The following GPC6 variants were observed in gnomAD, a reference collection of about 807,000 sequenced individuals.
The protein encoded by GPC6 is glypican 6.
Under a neutral mutation model 55.2 loss-of-function variants are expected in GPC6, and 14 were observed. That is an observed-to-expected ratio of 0.25 (90% CI 0.17 to 0.40). The LOEUF (loss-of-function observed/expected upper bound fraction) is 0.40. Ranked by LOEUF, GPC6 falls within the 10% of genes least tolerant of loss-of-function variation. The pLI is 1.00. For missense variants in GPC6, 641 were observed against 708.5 expected (o/e 0.90, Z 1.08); for synonymous variants, 278 against 259.6 (o/e 1.07, Z -0.68).
intron 1 of GPC6, among the ~76,000 whole-genome samples, chr13:93,392,327 C>G (rs568995781): frequency 3.9e-5 from 6 of 152,322 alleles, no homozygotes; most frequent in Non-Finnish European, 7.3e-5. Context: ...TTTGACCCCC[C>G]TAATTGTTTT....
At chr13:93,421,335 A>G (rs74506324) in intron 1 of GPC6, among the ~76,000 whole-genome samples, 3,047 of 152,256 alleles carry the variant, frequency 0.02, 117 homozygotes, top group African/African-American at 0.069. Context: ...CAGTTGGCTC[A>G]TGAACTTCAT....
At chr13:93,259,543 A>G (rs1223121417) in intron 1 of GPC6, among the ~76,000 whole-genome samples, 1 of 152,106 alleles carries the variant, frequency 6.6e-6, no homozygotes, top group African/African-American at 2.4e-5. Flanking sequence ...TCATCTTTTA[A>G]GGGACTGTAT....
Position 93,645,247 on chromosome 13 carries a change from G to GT in GPC6, c.319+99841dup, listed in dbSNP as rs11341783. On this transcript the variant is annotated intron_variant, in intron 2 of 8. Coordinates refer to ENST00000377047, the MANE Select transcript of GPC6 (RefSeq NM_005708.5). Reference sequence around the variant, plus strand: ...AAGTAAAATGCAATGAGAGCCTACTGTTTTTTTTTTTTTTTAACTGGGTAC... The same window carrying GT: ...AAGTAAAATGCAATGAGAGCCTACTGTTTTTTTTTTTTTTTTAACTGGGTAC... 3.1e-3 allele frequency among the ~76,000 whole-genome samples: 446 copies of GT among 144,702 alleles called. 1 individual carries two copies. Among genetic ancestry groups the GT allele is most frequent in the East Asian group, 6.1e-3 (29 of 4,716 alleles). The allele number at this position is 144,702 out of a possible 152,430, so 94.9% of individuals were successfully genotyped here.
intron 6 of GPC6, among the ~76,000 whole-genome samples, chr13:94,372,455 C>T (rs373080913): frequency 4.6e-4 from 70 of 151,780 alleles, no homozygotes; most frequent in African/African-American, 1.5e-3. Context: ...GGGTGACTGA[C>T]GGCACCTGGA....
intron 1 of GPC6, among the ~76,000 whole-genome samples, chr13:93,420,371 G>A (rs1246632724): frequency 3.9e-5 from 6 of 152,116 alleles, no homozygotes; most frequent in African/African-American, 1.4e-4. Context: ...TGGGACTACC[G>A]TGGGAAGGAG....
chr13:93,753,194 G>A (rs559253729), intron 2 of GPC6, among the ~76,000 whole-genome samples: 10 of 152,206 alleles, frequency 6.6e-5, no homozygotes, highest in South Asian at 2.1e-4. Context: ...ATAGTGTCTC[G>A]TTACTTAGTG....
chr13:93,598,093 G>C (rs1386070660), intron 2 of GPC6, among the ~76,000 whole-genome samples: 1 of 152,140 alleles, frequency 6.6e-6, no homozygotes, highest in Non-Finnish European at 1.5e-5. Flanking sequence ...GCAGTGAGCT[G>C]AGATCGTGCC....
At chr13:94,341,724 A>G (rs1229110676) in intron 6 of GPC6, among the ~76,000 whole-genome samples, 1 of 152,258 alleles carries the variant, frequency 6.6e-6, no homozygotes, top group Non-Finnish European at 1.5e-5. Context: ...AATATCTTTC[A>G]TAACTTGAAT....
At chr13:93,294,524 T>A (rs1265533581) in intron 1 of GPC6, among the ~76,000 whole-genome samples, 1 of 151,964 alleles carries the variant, frequency 6.6e-6, no homozygotes, top group Non-Finnish European at 1.5e-5. Context: ...CTGTGTAAGG[T>A]AGTTCATGCA....
chr13:94,205,778 G>A (rs1290864173), intron 4 of GPC6, among the ~76,000 whole-genome samples: 12 of 152,280 alleles, frequency 7.9e-5, no homozygotes, highest in Admixed American at 7.8e-4. Flanking sequence ...TCATTAAAGA[G>A]TATTTCAACT....
chr13:93,249,468 A>G (rs376512854), intron 1 of GPC6, among the ~76,000 whole-genome samples: 30 of 152,288 alleles, frequency 2.0e-4, no homozygotes, highest in African/African-American at 6.0e-4. Flanking sequence ...ATAGGCAGCT[A>G]TGGGCTTCCT....
At chr13:93,269,529 T>C (rs1877436551) in intron 1 of GPC6, among the ~76,000 whole-genome samples, 1 of 152,116 alleles carries the variant, frequency 6.6e-6, no homozygotes, top group Admixed American at 6.5e-5. Context: ...TATTGTCCTG[T>C]GTTTCTTATT....
rs191676714 is a variant in GPC6 at position 94,247,161 on chromosome 13, G to T, written c.878-39188G>T. On this transcript the variant is annotated intron_variant, in intron 4 of 8. Transcript: ENST00000377047. ...TTACTTTCCAGATAGGTCATTGTTT[G>T]TGTATTAAAATGTCATAGATTTTCA... Among the ~76,000 whole-genome samples, 126 of 152,114 alleles carry T rather than the reference G, an allele frequency of 8.3e-4. 3 individuals are homozygous for T. Among genetic ancestry groups the T allele is most frequent in the Admixed American group, 7.3e-3 (112 of 15,266 alleles).
chr13:93,948,175 A>T (rs991196627), intron 3 of GPC6, among the ~76,000 whole-genome samples: 1 of 152,186 alleles, frequency 6.6e-6, no homozygotes, highest in Non-Finnish European at 1.5e-5. Context: ...TTTTCTCCTT[A>T]CCAAAATAAA....
intron 3 of GPC6, among the ~76,000 whole-genome samples, chr13:93,997,488 G>A (rs1025350212): frequency 1.3e-5 from 2 of 152,074 alleles, no homozygotes; most frequent in African/African-American, 4.8e-5. Flanking sequence ...AGAGCCCTAA[G>A]GCTATGGTAG....
intron 2 of GPC6, among the ~76,000 whole-genome samples, chr13:93,580,323 G>T (rs565179818): frequency 6.6e-6 from 1 of 152,230 alleles, no homozygotes; most frequent in South Asian, 2.1e-4. Flanking sequence ...TGACATTGAA[G>T]GTTAGGATTT....
At chr13:94,142,201 G>T (rs1175714225) in intron 4 of GPC6, among the ~76,000 whole-genome samples, 1 of 152,150 alleles carries the variant, frequency 6.6e-6, no homozygotes, top group Non-Finnish European at 1.5e-5. Context: ...TGTGTAATTG[G>T]CTGTTGAGAT....
intron 1 of GPC6, among the ~76,000 whole-genome samples, chr13:93,383,300 C>T (rs1006976245): frequency 1.1e-4 from 16 of 152,156 alleles, no homozygotes; most frequent in East Asian, 1.9e-4. Flanking sequence ...CAGCCCTGAC[C>T]TCCCAGGCTC....
At chr13:93,470,904 A>C (rs1879087681) in intron 1 of GPC6, among the ~76,000 whole-genome samples, 2 of 152,066 alleles carry the variant, frequency 1.3e-5, no homozygotes, top group Admixed American at 1.3e-4. Flanking sequence ...TTCAACTAAA[A>C]TGTTGGATTT....
Sources: gnomAD v4.1 joint callset for allele counts (sites outside exome capture counted in the v4.1 genomes callset) on GRCh38, gnomAD v4.1.1 for gene constraint, MANE v1.5 for transcripts, NCBI Gene and HGNC (gene_info 2026-07-23, HGNC 2026-07-21) for gene names.